Variants in GANAB observed in about 807,000 individuals in gnomAD.
The protein encoded by GANAB is neutral alpha-glucosidase AB.
In GANAB, 35 loss-of-function variants were observed where a neutral mutation model predicts 129.9. The observed-to-expected ratio is 0.27, with a 90% CI of 0.21 to 0.36. GANAB has a LOEUF of 0.36. Among genes scored for constraint, GANAB ranks in the 10% least tolerant of loss-of-function variants. The pLI, the probability that GANAB is intolerant of heterozygous loss-of-function variation, is 1.00. For missense variants in GANAB, 939 were observed against 1,221.0 expected, an observed-to-expected ratio of 0.77 and a Z score of 3.44; for synonymous variants, 482 against 451.8, an observed-to-expected ratio of 1.07 and a Z score of -0.85.
At chr11:62,631,237 C>A in intron 9 of GANAB, 54 bp from the exon 10 acceptor site, 1 of 1,476,622 alleles carries the variant, frequency 6.8e-7, no homozygotes, top group Non-Finnish European at 9.1e-7. Flanking sequence ...CATTTTCCAA[C>A]CCCAAGACAA....
rs956280571 is a variant in GANAB at position 62,625,128 on chromosome 11, C to G, written c.*687G>C. ...GCAAAAGAAGTTTAATGCGCATCCC[C>G]TAAGAGGTGTGGAAACGTCTTTCTG... On this transcript the variant is annotated 3_prime_UTR_variant, in exon 24 of 24. Transcript: ENST00000356638. 1.8e-5 allele frequency: 8 copies of G among 443,130 alleles called. No homozygotes were observed. Among genetic ancestry groups the G allele is most frequent in the African/African-American group, 1.4e-4 (7 of 49,788 alleles). 27.4% of individuals were successfully genotyped at this position (443,130 alleles called of 1,614,324 possible). A position where few individuals can be genotyped will look rare whatever the true frequency, so the allele number is the denominator to read the frequency against.
At chr11:62,630,053 G>C (rs781118904) in intron 13 of GANAB, 96 bp from the exon 14 acceptor site, 1 of 1,414,736 alleles carries the variant, frequency 7.1e-7, no homozygotes, top group Non-Finnish European at 9.9e-7. Context: ...CTAAAAAGAT[G>C]CATTTTTCAG....
At chr11:62,643,359 C>T (rs538223241) in intron 1 of GANAB, among the ~76,000 whole-genome samples, 98 of 152,034 alleles carry the variant, frequency 6.4e-4, no homozygotes, top group African/African-American at 2.2e-3. Context: ...AAAATTAGGC[C>T]GGGCGTGGTG....
Position 62,639,074 on chromosome 11 carries a change from T to A in GANAB, c.289A>T (p.Asn97Tyr). Reference sequence around the variant, plus strand: ...TCATCAATCCTGAACCGAGTCATGTTCTTTTGAAGCCCCTGAAGCTCTAGC... The same window carrying A: ...TCATCAATCCTGAACCGAGTCATGTACTTTTGAAGCCCCTGAAGCTCTAGC... ...LVLELQGLQKNMTRFRIDELE... is the reference protein window; with the variant it reads ...LVLELQGLQKYMTRFRIDELE... The change falls in exon 4 of 24, where the codon AAC becomes TAC. Residue 97 changes from asparagine to tyrosine, a missense_variant. Asn to Tyr is a moderately radical substitution (Grantham distance 143). Transcript: ENST00000356638. The A allele has an allele frequency of 6.2e-7, 1 of 1,614,092 alleles. No individual in the cohort carries two copies. The highest frequency in any genetic ancestry group is 1.1e-5 in the South Asian group (1 of 91,084).
At position 62,635,126 on chromosome 11, in the gene GANAB, G is replaced by C. The variant is rs374868925; in HGVS notation, c.381-126C>G. On this transcript the variant is annotated intron_variant, in intron 4 of 23. Transcript: ENST00000356638. ...GCAGTGTGGTAACAGAGCAGGGATAGACAAGTTAATAAACAGAACCAAAGG... is the reference window on the plus strand; with the variant it reads ...GCAGTGTGGTAACAGAGCAGGGATACACAAGTTAATAAACAGAACCAAAGG... 35 of 610,768 alleles carry C rather than the reference G, an allele frequency of 5.7e-5. No homozygotes were observed. The East Asian group carries it at 8.9e-4, about 16-fold the overall frequency. The allele number at this position is 610,768 out of a possible 1,614,324, so 37.8% of individuals were successfully genotyped here. A position where few individuals can be genotyped will look rare whatever the true frequency, so the allele number is the denominator to read the frequency against.
chr11:62,640,865 CAG>C (rs940291068), intron 1 of GANAB, among the ~76,000 whole-genome samples: 14 of 143,952 alleles, frequency 9.7e-5, no homozygotes, highest in East Asian at 2.1e-4. Flanking sequence ...GCAGAGTACA[CAG>C]AGGATCTTTC....
intron 21 of GANAB, 26 bp from the exon 22 acceptor site, chr11:62,626,473 C>T (rs765929135): frequency 1.4e-5 from 21 of 1,550,704 alleles, no homozygotes; most frequent in Admixed American, 8.3e-5. Flanking sequence ...GATAGGTGAG[C>T]GCCTGAGCCC....
chr11:62,633,571 G>T, intron 5 of GANAB, 57 bp from the exon 6 acceptor site: 1 of 1,445,858 alleles, frequency 6.9e-7, no homozygotes, highest in Non-Finnish European at 9.7e-7. Context: ...CGAGGGGCTA[G>T]TGGAAGGAGG....
chr11:62,638,272 GCCT>G (rs1944039743), intron 4 of GANAB, among the ~76,000 whole-genome samples: 1 of 152,100 alleles, frequency 6.6e-6, no homozygotes, highest in African/African-American at 2.4e-5. Context: ...TCCTGCCTCG[GCCT>G]CCTGAGTAGC....
Position 62,639,766 on chromosome 11 carries a change from A to G in GANAB, c.39-35T>C, listed in dbSNP as rs550259784. ...AAAGGACAAAGACAGAGCAATCAGC[A>G]TGGAGGTCAGAAGGGGCCCCCTTCA... On this transcript the variant is annotated intron_variant, in intron 1 of 23. Transcript: ENST00000356638. The G allele has an allele frequency of 1.6e-5, 24 of 1,462,782 alleles. No individual in the cohort carries two copies. In the East Asian group the frequency reaches 4.5e-4, roughly 28 times the overall value. The allele number at this position is 1,462,782 out of a possible 1,614,324, so 90.6% of individuals were successfully genotyped here.
chr11:62,643,514 A>G (rs1366421075), intron 1 of GANAB, among the ~76,000 whole-genome samples: 2 of 152,166 alleles, frequency 1.3e-5, no homozygotes, highest in Non-Finnish European at 2.9e-5. Flanking sequence ...ATGGTGGCAC[A>G]CGCCTGCAGT....
At chr11:62,633,802 G>A in intron 5 of GANAB, 1 of 517,956 alleles carries the variant, frequency 1.9e-6, no homozygotes, top group Non-Finnish European at 3.5e-6. Context: ...ATGATTCAGG[G>A]GCCTGGGTTA....
At position 62,627,365 on chromosome 11, in the gene GANAB, GA is replaced by G; in HGVS notation, c.2181-13del. ...GCACCCACAGGGGCCTAGGAAGGAA[GA>G]AAGACAATAAAGGAAAACTTTTCAA... On this transcript the variant is annotated splice_polypyrimidine_tract_variant and intron_variant, in intron 17 of 23. Transcript: ENST00000356638. 1 of 1,475,170 alleles carries G rather than the reference GA, an allele frequency of 6.8e-7. No individual in the cohort carries two copies. The highest frequency in any genetic ancestry group is 9.5e-7 in the Non-Finnish European group (1 of 1,053,700). 91.4% of individuals were successfully genotyped at this position (1,475,170 alleles called of 1,614,324 possible). A position where few individuals can be genotyped will look rare whatever the true frequency, so the allele number is the denominator to read the frequency against.
At chr11:62,640,250 A>AAAAAAAAAAAAAC (rs1944175739) in intron 1 of GANAB, among the ~76,000 whole-genome samples, 1 of 96,834 alleles carries the variant, frequency 1.0e-5, no homozygotes, top group Admixed American at 1.1e-4. Flanking sequence ...AAAAAAAAAA[A>AAAAAAAAAAAAAC]AAGCCAGGCG....
chr11:62,641,863 C>A (rs1239819794), intron 1 of GANAB, among the ~76,000 whole-genome samples: 1 of 151,880 alleles, frequency 6.6e-6, no homozygotes, highest in Non-Finnish European at 1.5e-5. Context: ...TACAGTTGCT[C>A]GCCACAGCAC....
At position 62,634,856 on chromosome 11, in the gene GANAB, G is replaced by C; in HGVS notation, c.525C>G (p.Leu175=). The change falls in exon 5 of 24, where the codon CTC becomes CTG. Residue 175 remains leucine (L), a synonymous_variant. Transcript: ENST00000356638. ...SLLLSVNARG[L]LEFEHQRAPR... Reference sequence around the variant, plus strand: ...GGGCCCTCTGATGCTCAAACTCCAAGAGTCCTCGGGCATTGACACTAAGCA... The same window carrying C: ...GGGCCCTCTGATGCTCAAACTCCAACAGTCCTCGGGCATTGACACTAAGCA... 2 of 1,614,064 alleles carry C rather than the reference G, an allele frequency of 1.2e-6. No homozygotes were observed. The highest frequency in any genetic ancestry group is 1.7e-6 in the Non-Finnish European group (2 of 1,179,958).
At chr11:62,640,460 G>C (rs1261286670) in intron 1 of GANAB, among the ~76,000 whole-genome samples, 1 of 146,446 alleles carries the variant, frequency 6.8e-6, no homozygotes, top group Non-Finnish European at 1.5e-5. Flanking sequence ...ATGAATCCGG[G>C]AGGCAGAACT....
At chr11:62,633,134 T>C in intron 7 of GANAB, 33 bp from the exon 8 acceptor site, 2 of 1,601,972 alleles carry the variant, frequency 1.2e-6, no homozygotes, top group African/African-American at 1.3e-5. Context: ...TCAGAGCTTC[T>C]GCTTGGAAAG....
chr11:62,625,757 A>G lies in GANAB; in HGVS notation c.*58T>C, dbSNP rs796525964. 39 of 1,074,582 alleles carry G rather than the reference A, an allele frequency of 3.6e-5. No individual in the cohort carries two copies. In the South Asian group the frequency reaches 4.4e-4, roughly 12 times the overall value. The allele number at this position is 1,074,582 out of a possible 1,614,324, so 66.6% of individuals were successfully genotyped here. Reference sequence around the variant, plus strand: ...GGCCGAACTCCAAGGCAGAAGAAAGAATATCTCTCAGCACTAATGCTCCCC... The same window carrying G: ...GGCCGAACTCCAAGGCAGAAGAAAGGATATCTCTCAGCACTAATGCTCCCC... On this transcript the variant is annotated 3_prime_UTR_variant, in exon 24 of 24. Transcript: ENST00000356638.
Sources: allele counts gnomAD v4.1 joint callset (sites outside exome capture counted in the v4.1 genomes callset), GRCh38; gene constraint gnomAD v4.1.1; transcripts MANE v1.5; gene names NCBI Gene and HGNC (gene_info 2026-07-23, HGNC 2026-07-21).